WWOX: variants seen among roughly 807,000 people sequenced by gnomAD.
WWOX encodes WW domain-containing oxidoreductase.
A neutral mutation model predicts 46.2 loss-of-function variants in WWOX; 69 were observed. The observed-to-expected ratio is 1.49, with a 90% CI of 1.23 to 1.82. The LOEUF is 1.82. WWOX is among the 40% of genes most tolerant of loss of function. The probability of loss-of-function intolerance (pLI) is 0.00; values close to 1 mark genes in which losing one functional copy is unlikely to be tolerated. For missense variants in WWOX, 919 were observed against 542.6 expected (o/e 1.69, Z -6.89); for synonymous variants, 359 against 202.6 (o/e 1.77, Z -6.56).
At chr16:78,688,159 T>C (rs1178456348) in intron 8 of WWOX, among the ~76,000 whole-genome samples, 1 of 151,116 alleles carries the variant, frequency 6.6e-6, no homozygotes, top group East Asian at 1.9e-4. Context: ...AAATATAAGC[T>C]AGAAAAAAAA....
Position 78,198,655 on chromosome 16 carries a change from C to G in WWOX, c.516+34366C>G, listed in dbSNP as rs567930230. 2.0e-4 allele frequency among the ~76,000 whole-genome samples: 31 copies of G among 152,298 alleles called. 1 individual carries two copies. Among genetic ancestry groups the G allele is most frequent in the African/African-American group, 7.0e-4 (29 of 41,568 alleles). On this transcript the variant is annotated intron_variant, in intron 5 of 8. Transcript: ENST00000566780. ...TTCAGCTGTTGATTTCAGGCACTAT[C>G]TAATGACTTTTGCTGTTACGAGCAT...
At chr16:78,632,610 G>A (rs1337094949) in intron 8 of WWOX, among the ~76,000 whole-genome samples, 1 of 134,012 alleles carries the variant, frequency 7.5e-6, no homozygotes, top group Non-Finnish European at 1.5e-5. Context: ...CCAGGCTGGA[G>A]TGCAATGGTG....
At chr16:78,415,799 T>G (rs116173845) in intron 6 of WWOX, among the ~76,000 whole-genome samples, 160 of 152,218 alleles carry the variant, frequency 1.1e-3, no homozygotes, top group African/African-American at 3.8e-3. Flanking sequence ...CCATTGTCAC[T>G]CTCATTGATG....
Position 78,980,422 on chromosome 16 carries a change from C to T in WWOX, c.1057-231186C>T, listed in dbSNP as rs377132809. Among the ~76,000 whole-genome samples, 216 of 152,302 alleles carry T rather than the reference C, an allele frequency of 1.4e-3. 2 individuals carry two copies. Among genetic ancestry groups the T allele is most frequent in the African/African-American group, 4.4e-3 (181 of 41,560 alleles). ...TCTCTTGGCTGTAACCAAGTCTACA[C>T]GATACCACTTGAATTGACAACATCA... On this transcript the variant is annotated intron_variant, in intron 8 of 8. Transcript: ENST00000566780.
Position 78,521,783 on chromosome 16 carries a change from GT to G in WWOX, c.1056+89042del, listed in dbSNP as rs71811874. 3.8e-3 allele frequency among the ~76,000 whole-genome samples: 563 copies of G among 147,410 alleles called. 4 individuals are homozygous for G. Among genetic ancestry groups the G allele is most frequent in the African/African-American group, 0.012 (481 of 40,598 alleles). On this transcript the variant is annotated intron_variant, in intron 8 of 8. Coordinates refer to ENST00000566780, the MANE Select transcript of WWOX (RefSeq NM_016373.4). Reference sequence around the variant, plus strand: ...TAGTCAACACTTTAACACATAACTTGTTTTTTTTTTTGGCATAAGAAGCCCA... The same window carrying G: ...TAGTCAACACTTTAACACATAACTTGTTTTTTTTTTGGCATAAGAAGCCCA...
chr16:78,253,679 T>C (rs1003469301), intron 5 of WWOX, among the ~76,000 whole-genome samples: 3 of 152,334 alleles, frequency 2.0e-5, no homozygotes, highest in African/African-American at 7.2e-5. Flanking sequence ...ATTTAGGATA[T>C]TAGAAATAAG....
At chr16:78,804,117 G>C (rs919696269) in intron 8 of WWOX, among the ~76,000 whole-genome samples, 2 of 152,170 alleles carry the variant, frequency 1.3e-5, no homozygotes, top group Non-Finnish European at 2.9e-5. Flanking sequence ...GATTGTGGCA[G>C]ATGGGTCAGA....
chr16:78,450,147 GTATC>G (rs1335130108), intron 8 of WWOX, among the ~76,000 whole-genome samples: 4 of 152,088 alleles, frequency 2.6e-5, no homozygotes, highest in Non-Finnish European at 5.9e-5. Flanking sequence ...GTATAATAAA[GTATC>G]TAATTTAGCA....
chr16:78,736,205 G>A (rs1429303540), intron 8 of WWOX, among the ~76,000 whole-genome samples: 1 of 152,180 alleles, frequency 6.6e-6, no homozygotes, highest in Non-Finnish European at 1.5e-5. Flanking sequence ...GGGGGCTCTG[G>A]AATAAAAATC....
chr16:78,397,955 G>A (rs1161301754), intron 6 of WWOX, among the ~76,000 whole-genome samples: 1 of 152,188 alleles, frequency 6.6e-6, no homozygotes, highest in Non-Finnish European at 1.5e-5. Flanking sequence ...TCAAGAGGGT[G>A]CTGCTTCATG....
rs779219722 is a variant in WWOX at position 78,338,874 on chromosome 16, T to G, written c.517-47986T>G. 1.6e-5 allele frequency among the ~76,000 whole-genome samples: 2 copies of G among 121,358 alleles called. 1 individual carries two copies. Among genetic ancestry groups the G allele is most frequent in the Non-Finnish European group, 3.9e-5 (2 of 50,702 alleles). 79.6% of individuals were successfully genotyped at this position (121,358 alleles called of 152,430 possible). ...CAGAGTTTAAAGTTAGTCAGGTATG[T>G]CTATTAAATTTTTACGTAAAAAGTT... On this transcript the variant is annotated intron_variant, in intron 5 of 8. Transcript: ENST00000566780.
At chr16:78,969,334 A>T (rs568415558) in intron 8 of WWOX, among the ~76,000 whole-genome samples, 8 of 148,582 alleles carry the variant, frequency 5.4e-5, no homozygotes, top group Non-Finnish European at 1.0e-4. Flanking sequence ...CAATGGTGCT[A>T]TCTTGGCCCA....
intron 8 of WWOX, among the ~76,000 whole-genome samples, chr16:79,156,627 A>G (rs1487469274): frequency 1.3e-5 from 2 of 152,176 alleles, no homozygotes; most frequent in Non-Finnish European, 2.9e-5. Flanking sequence ...TGTGAAGCAC[A>G]CACAGCTGTT....
chr16:78,105,074 T>C (rs58997179), intron 1 of WWOX, among the ~76,000 whole-genome samples: 12,470 of 152,256 alleles, frequency 0.082, 1,072 homozygotes, highest in African/African-American at 0.22. Context: ...CGGCTGGCAA[T>C]GTCTGGAGAT....
intron 8 of WWOX, among the ~76,000 whole-genome samples, chr16:78,952,572 G>A (rs987399578): frequency 2.0e-5 from 3 of 152,002 alleles, no homozygotes; most frequent in East Asian, 3.9e-4. Context: ...TAGTAGAGAC[G>A]GGGTTTCTGC....
chr16:79,080,505 C>T (rs887917391), intron 8 of WWOX, among the ~76,000 whole-genome samples: 9 of 152,180 alleles, frequency 5.9e-5, no homozygotes, highest in Non-Finnish European at 8.8e-5. Flanking sequence ...CCTCTTTGCA[C>T]GTTGCAGAAG....
At chr16:78,329,431 G>A (rs2080707131) in intron 5 of WWOX, among the ~76,000 whole-genome samples, 1 of 152,190 alleles carries the variant, frequency 6.6e-6, no homozygotes, top group Admixed American at 6.5e-5. Context: ...TGTATTTGCT[G>A]ACCCTGTCGC....
intron 8 of WWOX, among the ~76,000 whole-genome samples, chr16:79,001,827 T>G (rs2047098902): frequency 6.6e-6 from 1 of 152,126 alleles, no homozygotes; most frequent in South Asian, 2.1e-4. Flanking sequence ...GAGAGGTGCT[T>G]ATGTAATAAC....
intron 5 of WWOX, among the ~76,000 whole-genome samples, chr16:78,355,313 G>A (rs11861230): frequency 0.69 from 105,383 of 151,968 alleles, 37,364 homozygotes; most frequent in Non-Finnish European, 0.73. Flanking sequence ...ATAAAAATGC[G>A]TGTATGGTGC....
Sources: gnomAD v4.1 joint callset for allele counts (sites outside exome capture counted in the v4.1 genomes callset) on GRCh38, gnomAD v4.1.1 for gene constraint, MANE v1.5 for transcripts, NCBI Gene and HGNC (gene_info 2026-07-23, HGNC 2026-07-21) for gene names.